PDE1C: variants seen among roughly 807,000 people sequenced by gnomAD.
PDE1C encodes phosphodiesterase 1C.
In PDE1C, 62 loss-of-function variants were observed where a neutral mutation model predicts 93.1. The observed-to-expected ratio is 0.67, with a 90% CI of 0.54 to 0.82. PDE1C has a LOEUF of 0.82. PDE1C is among the 40% of genes least tolerant of loss of function. The probability of loss-of-function intolerance (pLI) is 0.00; values close to 1 mark genes in which losing one functional copy is unlikely to be tolerated. For synonymous variants in PDE1C, 325 were observed against 310.1 expected, an observed-to-expected ratio of 1.05 and a Z score of -0.50; for missense variants, 742 against 884.6, an observed-to-expected ratio of 0.84 and a Z score of 2.04.
intron 16 of PDE1C, among the ~76,000 whole-genome samples, chr7:31,782,109 G>A (rs62457310): frequency 0.04 from 6,141 of 152,222 alleles, 294 homozygotes; most frequent in East Asian, 0.19. Flanking sequence ...AAATAAAAGC[G>A]TATAAGTTAA....
chr7:31,976,831 T>A (rs989507717), intron 2 of PDE1C, among the ~76,000 whole-genome samples: 1 of 152,190 alleles, frequency 6.6e-6, no homozygotes, highest in Non-Finnish European at 1.5e-5. Flanking sequence ...CCATGATGCT[T>A]ACACCCTGGC....
chr7:31,769,031 G>A (rs554844504), intron 17 of PDE1C, among the ~76,000 whole-genome samples: 7 of 152,110 alleles, frequency 4.6e-5, no homozygotes, highest in Admixed American at 4.6e-4. Context: ...CCTGACCTCA[G>A]GTGATCTGCC....
At chr7:31,656,011 C>G in the PDE1C span, 1 of 985,000 alleles carries the variant, frequency 1.0e-6, no homozygotes, top group South Asian at 4.7e-5. Flanking sequence ...CTCTCCTTTG[C>G]TGAAACAAAT....
intron 2 of PDE1C, among the ~76,000 whole-genome samples, chr7:32,047,856 A>G (rs1241581649): frequency 1.3e-5 from 2 of 152,194 alleles, no homozygotes; most frequent in African/African-American, 4.8e-5. Context: ...AAACCTTTTA[A>G]TATAACATTT....
intron 16 of PDE1C, among the ~76,000 whole-genome samples, chr7:31,795,376 C>A (rs117751793): frequency 0.017 from 2,625 of 151,868 alleles, 36 homozygotes; most frequent in Non-Finnish European, 0.028. Flanking sequence ...ATATTTATTT[C>A]ATGATTACTA....
intron 2 of PDE1C, among the ~76,000 whole-genome samples, chr7:32,204,944 A>G (rs1805314987): frequency 6.6e-6 from 1 of 152,240 alleles, no homozygotes; most frequent in South Asian, 2.1e-4. Context: ...CATCTGTGTT[A>G]TCTCCATGGC....
chr7:32,047,062 AGTGTGTGT>A (rs59580872), intron 2 of PDE1C, among the ~76,000 whole-genome samples: 29 of 145,964 alleles, frequency 2.0e-4, no homozygotes, highest in Admixed American at 6.9e-4. Context: ...TGCGAGACAG[AGTGTGTGT>A]GTGTGTGTGT....
intron 2 of PDE1C, among the ~76,000 whole-genome samples, chr7:31,985,491 T>A (rs1488972167): frequency 6.6e-6 from 1 of 152,200 alleles, no homozygotes; most frequent in Non-Finnish European, 1.5e-5. Context: ...GATACATAGC[T>A]ATACATGTGC....
At chr7:31,682,689 T>C in the PDE1C span, among the ~76,000 whole-genome samples, 2 of 152,316 alleles carry the variant, frequency 1.3e-5, no homozygotes, top group East Asian at 3.9e-4. Context: ...TCACAGTAGC[T>C]TCCTTTGCAA....
intron 2 of PDE1C, among the ~76,000 whole-genome samples, chr7:31,953,781 A>C (rs1485334613): frequency 3.3e-5 from 5 of 152,182 alleles, no homozygotes; most frequent in Admixed American, 1.3e-4. Context: ...TCTTACGTGA[A>C]AAAGTAAACC....
intron 1 of PDE1C, among the ~76,000 whole-genome samples, chr7:32,056,368 AACACACACACACACAC>A (rs375602478): frequency 5.0e-5 from 6 of 119,186 alleles, no homozygotes; most frequent in Non-Finnish European, 1.1e-4. Context: ...CTCTCACTGA[AACACACACACACACAC>A]ACACACACAC....
chr7:31,983,367 A>C (rs1362716685), intron 2 of PDE1C, among the ~76,000 whole-genome samples: 1 of 152,202 alleles, frequency 6.6e-6, no homozygotes, highest in Non-Finnish European at 1.5e-5. Context: ...GGGGAAGCTC[A>C]GGAGGAGGGA....
intron 2 of PDE1C, among the ~76,000 whole-genome samples, chr7:32,029,821 C>A (rs1584515762): frequency 6.6e-6 from 1 of 152,116 alleles, no homozygotes; most frequent in Non-Finnish European, 1.5e-5. Context: ...CAGAGTTTAG[C>A]CAATACATTT....
chr7:32,254,609 A>G (rs1023010254), intron 1 of PDE1C, among the ~76,000 whole-genome samples: 1 of 152,234 alleles, frequency 6.6e-6, no homozygotes, highest in Non-Finnish European at 1.5e-5. Flanking sequence ...TTTCTCTACT[A>G]TTCATCAGAG....
At chr7:31,866,430 G>T (rs1293016629) in intron 6 of PDE1C, among the ~76,000 whole-genome samples, 1 of 152,158 alleles carries the variant, frequency 6.6e-6, no homozygotes, top group Non-Finnish European at 1.5e-5. Flanking sequence ...TGAAAGGGCT[G>T]TGTGTGTGCA....
the PDE1C span, among the ~76,000 whole-genome samples, chr7:31,711,625 G>A: frequency 1.3e-5 from 2 of 151,994 alleles, no homozygotes; most frequent in Non-Finnish European, 2.9e-5. Flanking sequence ...ATTTTTGAAT[G>A]AGTAAGTATA....
chr7:32,073,733 C>T (rs902395749), upstream of PDE1C, among the ~76,000 whole-genome samples: 1 of 152,212 alleles, frequency 6.6e-6, no homozygotes, highest in East Asian at 1.9e-4. Context: ...ATTGTGTTCT[C>T]TCTTCATCTA....
chr7:32,052,524 G>A (rs2094967001), intron 1 of PDE1C, among the ~76,000 whole-genome samples: 1 of 152,188 alleles, frequency 6.6e-6, no homozygotes, highest in South Asian at 2.1e-4. Context: ...GAAGTGTTAA[G>A]GAAAGAAAAT....
At chr7:32,323,602 T>G (rs2128074301) in intron 1 of PDE1C, among the ~76,000 whole-genome samples, 1 of 152,088 alleles carries the variant, frequency 6.6e-6, no homozygotes, top group African/African-American at 2.4e-5. Context: ...AAACAAACTC[T>G]GGGCAAATGG....
Sources: gnomAD v4.1 joint callset for allele counts (sites outside exome capture counted in the v4.1 genomes callset) on GRCh38, gnomAD v4.1.1 for gene constraint, MANE v1.5 for transcripts, NCBI Gene and HGNC (gene_info 2026-07-23, HGNC 2026-07-21) for gene names.